Variants in CHTOP observed in about 807,000 individuals in gnomAD.
CHTOP encodes the protein chromatin target of PRMT1 protein.
In CHTOP, 18 loss-of-function variants were observed where a neutral mutation model predicts 33.6. That is an observed-to-expected ratio of 0.54 (90% CI 0.37 to 0.80). The LOEUF (loss-of-function observed/expected upper bound fraction) is 0.80, where lower values mean the gene tolerates loss of function less well. Ranked by LOEUF, CHTOP falls within the 30% of genes least tolerant of loss-of-function variation. The pLI is 0.00. For synonymous variants in CHTOP, 117 were observed against 127.7 expected, an observed-to-expected ratio of 0.92 and a Z score of 0.56; for missense variants, 263 against 336.8, an observed-to-expected ratio of 0.78 and a Z score of 1.71.
intron 4 of CHTOP, 197 bp downstream of exon 4, chr1:153,642,626 A>C: frequency 4.4e-6 from 2 of 454,010 alleles, no homozygotes. Context: ...CAATGGTGAG[A>C]GGCTATGACC....
rs1668784570 is a variant in CHTOP at position 153,645,502 on chromosome 1, G to A, written c.*233G>A. The A allele has an allele frequency of 4.3e-6, 2 of 463,694 alleles. 1 individual carries two copies. The highest frequency in any genetic ancestry group is 7.7e-6 in the Non-Finnish European group (2 of 259,648). The allele number at this position is 463,694 out of a possible 1,614,324, so 28.7% of individuals were successfully genotyped here. ...TTTTTTGTTTTTGTTTTTTTAGGGG[G>A]GAGGGGGGGTTTCCCCTCCTTTGCC... On this transcript the variant is annotated 3_prime_UTR_variant, in exon 6 of 6. Transcript: ENST00000368694.
chr1:153,644,238 C>G (rs2101694890), intron 5 of CHTOP: 1 of 152,322 alleles, frequency 6.6e-6, no homozygotes, highest in African/African-American at 2.4e-5. Context: ...TTGTTTTCTT[C>G]TCTCCCATTA....
chr1:153,642,416 G>A lies in CHTOP; in HGVS notation c.390G>A (p.Gly130=). 3.1e-6 allele frequency: 5 copies of A among 1,613,374 alleles called. No individual in the cohort carries two copies. Among genetic ancestry groups the A allele is most frequent in the South Asian group, 1.1e-5 (1 of 91,032 alleles). Reference sequence around the variant, plus strand: ...CCACCAGAACCCTACTTAGGGGCGGGATGTCACTCCGAGGTCAGTGCTGTG... The same window carrying A: ...CCACCAGAACCCTACTTAGGGGCGGAATGTCACTCCGAGGTCAGTGCTGTG... ...GRATRTLLRG[G]MSLRGQNLLR... The change falls in exon 4 of 6, where the codon GGG becomes GGA. Residue 130 remains glycine (G), a synonymous_variant. Transcript: ENST00000368694.
intron 3 of CHTOP, among the ~76,000 whole-genome samples, chr1:153,641,398 T>C (rs1274887894): frequency 2.6e-5 from 4 of 152,236 alleles, no homozygotes; most frequent in Non-Finnish European, 5.9e-5. Context: ...TGGTTTTCTT[T>C]TGAGAACAGA....
chr1:153,644,348 G>A (rs1037442922), intron 5 of CHTOP: 1 of 152,222 alleles, frequency 6.6e-6, no homozygotes, highest in African/African-American at 2.4e-5. Flanking sequence ...ACATCACGAG[G>A]GTGGGAGAGA....
Position 153,645,049 on chromosome 1 carries a change from TC to T in CHTOP, c.542-11del. 1.8e-5 allele frequency: 29 copies of T among 1,577,224 alleles called. No individual in the cohort carries two copies. The highest frequency in any genetic ancestry group is 2.2e-4 in the Middle Eastern group (1 of 4,556). ...GTAACTGTCTCTTTTTTTTTTTTTT[TC>T]CCCTTTGGGCCAGGTCGGGGTATGA... is the stretch of plus-strand genomic sequence containing the variant. On this transcript the variant is annotated splice_polypyrimidine_tract_variant and intron_variant, in intron 5 of 5. Coordinates refer to ENST00000368694, the MANE Select transcript of CHTOP (RefSeq NM_015607.4).
intron 1 of CHTOP, among the ~76,000 whole-genome samples, chr1:153,635,987 C>T (rs1431198301): frequency 3.3e-5 from 5 of 151,980 alleles, no homozygotes; most frequent in African/African-American, 1.2e-4. Context: ...GTGGCATGAT[C>T]ACGGCTCTTT....
rs1481806659 is a variant in CHTOP at position 153,637,613 on chromosome 1, A to G, written c.66-682A>G. The stretch of plus-strand genomic sequence containing the variant: ...CAGTGAGCCAAGATCCTGCCACTGC[A>G]CTCCAGCCAGGGCAACAGAGGACAG... On this transcript the variant is annotated intron_variant, in intron 2 of 5. Transcript: ENST00000368694. 3 of 152,418 alleles carry G rather than the reference A, an allele frequency of 2.0e-5. No individual in the cohort carries two copies. The South Asian group carries it at 6.2e-4, about 32-fold the overall frequency. The allele number at this position is 152,418 out of a possible 1,614,324, so 9.4% of individuals were successfully genotyped here.
chr1:153,636,576 T>C lies in CHTOP; in HGVS notation c.-13T>C. On this transcript the variant is annotated 5_prime_UTR_variant, in exon 2 of 6. Transcript: ENST00000368694. ...TTTACGTATTGTTCTTTGTAGATTC[T>C]CGGGATTCGAAGATGGCTGCACAGT... is the stretch of plus-strand genomic sequence containing the variant. 6.2e-7 allele frequency: 1 copy of C among 1,611,422 alleles called. No individual in the cohort carries two copies. The highest frequency in any genetic ancestry group is 1.1e-5 in the South Asian group (1 of 90,982).
At position 153,640,312 on chromosome 1, in the gene CHTOP, T is replaced by TA. The variant is rs540258023; in HGVS notation, c.219+1878dup. Among the ~76,000 whole-genome samples, 1,080 of 117,692 alleles carry TA rather than the reference T, an allele frequency of 9.2e-3. 4 individuals carry two copies. Among genetic ancestry groups the TA allele is most frequent in the South Asian group, 0.025 (91 of 3,710 alleles). 77.2% of individuals were successfully genotyped at this position (117,692 alleles called of 152,430 possible). A position where few individuals can be genotyped will look rare whatever the true frequency, so the allele number is the denominator to read the frequency against. ...CAATGTGGCAAAACCCCATCTCTAC[T>TA]AAAAAAAAAAAAAAGCCGGGCATGG... is the stretch of plus-strand genomic sequence containing the variant. On this transcript the variant is annotated intron_variant, in intron 3 of 5. Transcript: ENST00000368694.
intron 1 of CHTOP, among the ~76,000 whole-genome samples, chr1:153,635,844 C>G (rs566387167): frequency 2.4e-4 from 36 of 151,926 alleles, no homozygotes; most frequent in African/African-American, 8.2e-4. Context: ...AAGCCAGACT[C>G]CATACTTTGA....
At chr1:153,634,375 A>G (rs28580554) in intron 1 of CHTOP, 32 bp downstream of exon 1, 95,218 of 152,686 alleles carry the variant, frequency 0.62, 30,559 homozygotes, top group African/African-American at 0.75. Context: ...GAGCCGGGGG[A>G]GGTGCGGTCT....
At chr1:153,639,826 C>T (rs755836516) in intron 3 of CHTOP, among the ~76,000 whole-genome samples, 1 of 152,206 alleles carries the variant, frequency 6.6e-6, no homozygotes, top group African/African-American at 2.4e-5. Flanking sequence ...GAGTCTTGCT[C>T]TGTCACCCAG....
rs1258335260 is a variant in CHTOP at position 153,642,379 on chromosome 1, G to A, written c.353G>A (p.Arg118His). Reference protein sequence around the residue: ...IQRGLPRGGLRGGRATRTLLR... With the variant: ...IQRGLPRGGLHGGRATRTLLR... ...AGAGGCTTGCCCAGAGGAGGACTAC[G>A]TGGGGGACGTGCCACCAGAACCCTA... is the stretch of plus-strand genomic sequence containing the variant. The change falls in exon 4 of 6, where the codon CGT becomes CAT. Residue 118 changes from arginine to histidine, a missense_variant. This residue lies in a region of CHTOP where 168 missense variants were observed against 179.9 expected (regional missense o/e 0.93). Transcript: ENST00000368694. 26 of 1,613,968 alleles carry A rather than the reference G, an allele frequency of 1.6e-5. No individual in the cohort carries two copies. Among genetic ancestry groups the A allele is most frequent in the Middle Eastern group, 1.6e-4 (1 of 6,084 alleles).
In CHTOP at chr1:153,635,447, C is replaced by T. The variant is rs1289877317; in HGVS notation, c.-18+1104C>T. ...GATTACAGGCGTGAAGCACCGCGCC[C>T]GCCCTGTCCGGCCCTATGTTTTAAA... On this transcript the variant is annotated intron_variant, in intron 1 of 5. Coordinates refer to ENST00000368694, the MANE Select transcript of CHTOP (RefSeq NM_015607.4). Among the ~76,000 whole-genome samples, 4 of 152,056 alleles carry T rather than the reference C, an allele frequency of 2.6e-5. No homozygotes were observed. The South Asian group carries it at 6.2e-4, about 24-fold the overall frequency.
chr1:153,639,557 C>A, intron 3 of CHTOP: 1 of 197,288 alleles, frequency 5.1e-6, no homozygotes, highest in Non-Finnish European at 9.2e-6. Context: ...CAAAAATAAA[C>A]AAGGGTGTCT....
At chr1:153,643,139 A>AT in intron 4 of CHTOP, 88 bp from the exon 5 acceptor site, 9 of 1,528,262 alleles carry the variant, frequency 5.9e-6, no homozygotes, top group Non-Finnish European at 7.3e-6. Flanking sequence ...AATTACCTTC[A>AT]TTTAACCCTC....
chr1:153,637,573 G>C (rs1333271374), intron 2 of CHTOP: 1 of 152,238 alleles, frequency 6.6e-6, no homozygotes, highest in African/African-American at 2.4e-5. Context: ...ACTTGAACCC[G>C]TGAGGCGAAG....
chr1:153,641,091 T>C (rs571114172), intron 3 of CHTOP, among the ~76,000 whole-genome samples: 1 of 152,362 alleles, frequency 6.6e-6, no homozygotes, highest in South Asian at 2.1e-4. Flanking sequence ...TACACCTACT[T>C]ATGCTAGATG....
Sources: allele counts gnomAD v4.1 joint callset (sites outside exome capture counted in the v4.1 genomes callset), GRCh38; gene constraint gnomAD v4.1.1; regional missense constraint gnomAD v4.1.1; transcripts MANE v1.5; gene names NCBI Gene and HGNC (gene_info 2026-07-23, HGNC 2026-07-21).